CLCN5: variants seen among roughly 807,000 people sequenced by gnomAD.
The protein encoded by CLCN5 is Cl-/H+ antiporter 5.
Under a neutral mutation model 54.0 loss-of-function variants are expected in CLCN5, and 17 were observed. That is an observed-to-expected ratio of 0.31 (90% confidence interval 0.22 to 0.47). The LOEUF is 0.47. Among genes scored for constraint, CLCN5 ranks in the 20% least tolerant of loss-of-function variants. CLCN5 has a pLI of 1.00. For synonymous variants in CLCN5, 222 were observed against 233.0 expected (o/e 0.95, Z 0.43); for missense variants, 448 against 646.7 (o/e 0.69, Z 3.33).
intron 3 of CLCN5, among the ~76,000 whole-genome samples, chrX:50,018,337 A>G (rs1459182663): frequency 8.9e-6 from 1 of 112,218 alleles, no homozygotes; most frequent in Non-Finnish European, 1.9e-5. Context: ...ACCTTGCTAT[A>G]GTTACTCATT....
At position 50,095,321 on chromosome X, in the gene CLCN5, G is replaced by C. The variant is rs1159466583; in HGVS notation, c.*3102G>C. 8.9e-6 allele frequency: 1 copy of C among 112,423 alleles called. No homozygotes were observed. Among genetic ancestry groups the C allele is most frequent in the Middle Eastern group, 4.2e-3 (1 of 236 alleles). 9.3% of individuals were successfully genotyped at this position (112,423 alleles called of 1,213,427 possible). ...TTAATGCATGATTCGTTATATTGGAGGGAAAAAGCAGGGGACTGATAATAC... is the reference window on the plus strand; with the variant it reads ...TTAATGCATGATTCGTTATATTGGACGGAAAAAGCAGGGGACTGATAATAC... On this transcript the variant is annotated 3_prime_UTR_variant, in exon 15 of 15. Transcript: ENST00000376091.
intron 3 of CLCN5, among the ~76,000 whole-genome samples, chrX:49,971,555 G>T (rs1237798516): frequency 9.0e-6 from 1 of 110,815 alleles, no homozygotes; most frequent in Non-Finnish European, 1.9e-5. Flanking sequence ...CTACTTTACT[G>T]AGTGATTTTA....
intron 9 of CLCN5, among the ~76,000 whole-genome samples, chrX:50,084,162 C>A (rs1467593490): frequency 8.9e-6 from 1 of 111,802 alleles, no homozygotes; most frequent in Non-Finnish European, 1.9e-5. Context: ...TATGATATAG[C>A]CTATGGCTCC....
chrX:50,020,950 T>G (rs1437320873), intron 3 of CLCN5, among the ~76,000 whole-genome samples: 1 of 44,558 alleles, frequency 2.2e-5, no homozygotes, highest in African/African-American at 1.5e-4. Context: ...TAGGATTGAC[T>G]TGGCAATGCA....
chrX:50,035,492 T>C (rs1287694462), intron 3 of CLCN5, among the ~76,000 whole-genome samples: 22 of 109,883 alleles, frequency 2.0e-4, no homozygotes, highest in African/African-American at 6.6e-4. Flanking sequence ...AAGACTCAAG[T>C]AGAAGAGATT....
chrX:50,088,847 C>A lies in CLCN5; in HGVS notation c.1707C>A (p.Pro569=). The A allele has an allele frequency of 8.3e-7, 1 of 1,211,386 alleles. No homozygotes were observed. Among genetic ancestry groups the A allele is most frequent in the South Asian group, 1.8e-5 (1 of 56,958 alleles). ...WCSQGADCIT[P]GLYAMVGAAA... ...GTCAGGGAGCTGATTGCATCACCCC[C>A]GGCCTTTATGCAATGGTTGGGGCTG... Residue 569 remains proline, a synonymous_variant, in exon 12 of 15, where the codon CCC becomes CCA. Transcript: ENST00000376091.
intron 3 of CLCN5, among the ~76,000 whole-genome samples, chrX:49,970,167 A>G (rs782561007): frequency 1.8e-5 from 2 of 111,505 alleles, no homozygotes; most frequent in South Asian, 7.4e-4. Flanking sequence ...TTTGTAGGCA[A>G]CATGTAGTTA....
intron 11 of CLCN5, 137 bp downstream of exon 11, chrX:50,087,007 C>G (rs1933914383): frequency 1.8e-6 from 1 of 569,723 alleles, no homozygotes; most frequent in Non-Finnish European, 2.9e-6. Flanking sequence ...ACCCCCAAAG[C>G]CTCTTTTACC....
In CLCN5 at chrX:50,096,929, C is replaced by T. The variant is rs1311562627; in HGVS notation, c.*4710C>T. On this transcript the variant is annotated 3_prime_UTR_variant, in exon 15 of 15. Coordinates refer to ENST00000376091, the MANE Select transcript of CLCN5 (RefSeq NM_001127898.4). ...ATAGGGCCGACCCAAGACATCTGCT[C>T]ATGAAGAAATGTGGCATCTGTTGCC... 8.9e-6 allele frequency: 1 copy of T among 112,103 alleles called. No individual in the cohort carries two copies. The highest frequency in any genetic ancestry group is 1.9e-5 in the Non-Finnish European group (1 of 53,271). 9.2% of individuals were successfully genotyped at this position (112,103 alleles called of 1,213,427 possible).
chrX:50,034,104 CAG>C (rs782248058), intron 3 of CLCN5, among the ~76,000 whole-genome samples: 4 of 112,150 alleles, frequency 3.6e-5, no homozygotes, highest in Non-Finnish European at 5.6e-5. Context: ...CTATGGCACT[CAG>C]AGATTAACAT....
At chrX:50,079,075 G>A (rs1298928220) in intron 7 of CLCN5, among the ~76,000 whole-genome samples, 4 of 111,276 alleles carry the variant, frequency 3.6e-5, no homozygotes, top group Non-Finnish European at 7.5e-5. Context: ...CGCCCGCCTC[G>A]GCCTCCTCTA....
chrX:50,046,357 C>G (rs782065436), intron 4 of CLCN5, among the ~76,000 whole-genome samples: 71 of 112,169 alleles, frequency 6.3e-4, no homozygotes, highest in African/African-American at 2.2e-3. Context: ...CTCTTCGATT[C>G]CCCTTTTTTC....
intron 3 of CLCN5, among the ~76,000 whole-genome samples, chrX:50,015,302 G>A (rs1456250808): frequency 9.1e-6 from 1 of 110,181 alleles, no homozygotes; most frequent in Non-Finnish European, 1.9e-5. Flanking sequence ...ACACATTCAT[G>A]AAGATTTACA....
At chrX:49,982,023 C>T (rs1171958562) in intron 3 of CLCN5, among the ~76,000 whole-genome samples, 2 of 110,669 alleles carry the variant, frequency 1.8e-5, no homozygotes, top group African/African-American at 3.3e-5. Context: ...CTGCTCATTT[C>T]GTCCTCTGTT....
intron 8 of CLCN5, 136 bp from the exon 9 acceptor site, chrX:50,081,505 A>T (rs1237167514): frequency 2.5e-5 from 13 of 513,608 alleles, no homozygotes; most frequent in Non-Finnish European, 4.1e-5. Context: ...TCTTCCAAAC[A>T]GGGATCACTG....
chrX:50,037,952 A>G (rs1479423606), intron 3 of CLCN5, among the ~76,000 whole-genome samples: 2 of 111,673 alleles, frequency 1.8e-5, no homozygotes, highest in Non-Finnish European at 3.8e-5. Flanking sequence ...TGTCTTTTAA[A>G]TACCACCCCC....
intron 3 of CLCN5, among the ~76,000 whole-genome samples, chrX:49,994,651 A>C (rs1929423234): frequency 9.0e-6 from 1 of 111,533 alleles, no homozygotes; most frequent in Non-Finnish European, 1.9e-5. Flanking sequence ...AATTTGATAC[A>C]CTCCTATTCA....
Position 50,092,888 on chromosome X carries a change from C to T in CLCN5, c.*669C>T, listed in dbSNP as rs1284469797. 1 of 112,564 alleles carries T rather than the reference C, an allele frequency of 8.9e-6. No individual in the cohort carries two copies. The highest frequency in any genetic ancestry group is 1.9e-5 in the Non-Finnish European group (1 of 53,314). 9.3% of individuals were successfully genotyped at this position (112,564 alleles called of 1,213,427 possible). A position where few individuals can be genotyped will look rare whatever the true frequency, so the allele number is the denominator to read the frequency against. ...TAGAGAGATTGACTTTTATAGCTTG[C>T]TTGTTGCTGGTACTCTTTTGAAGTG... On this transcript the variant is annotated 3_prime_UTR_variant, in exon 15 of 15. Transcript: ENST00000376091.
chrX:50,035,269 T>C (rs1190570427), intron 3 of CLCN5, among the ~76,000 whole-genome samples: 1 of 111,686 alleles, frequency 9.0e-6, no homozygotes, highest in African/African-American at 3.2e-5. Context: ...AGAGTAATGA[T>C]GAAGTAATAA....
Sources: gnomAD v4.1 joint callset for allele counts (sites outside exome capture counted in the v4.1 genomes callset) on GRCh38, gnomAD v4.1.1 for gene constraint, MANE v1.5 for transcripts, NCBI Gene and HGNC (gene_info 2026-07-23, HGNC 2026-07-21) for gene names.